CEP95: variants seen among roughly 807,000 people sequenced by gnomAD.
The protein encoded by CEP95 is centrosomal protein of 95 kDa.
In CEP95, 98 loss-of-function variants were observed where a neutral mutation model predicts 111.2. The observed-to-expected ratio is 0.88, with a 90% CI of 0.75 to 1.04. The LOEUF (loss-of-function observed/expected upper bound fraction) is 1.04. CEP95 is among the 50% of genes least tolerant of loss of function. The pLI, the probability that CEP95 is intolerant of heterozygous loss-of-function variation, is 0.00. For missense variants in CEP95, 1,027 were observed against 977.2 expected, an observed-to-expected ratio of 1.05 and a Z score of -0.68; for synonymous variants, 323 against 327.1, an observed-to-expected ratio of 0.99 and a Z score of 0.14.
intron 14 of CEP95, chr17:64,532,256 C>G (rs972715253): frequency 8.2e-7 from 1 of 1,224,418 alleles, no homozygotes; most frequent in Middle Eastern, 3.2e-4. Context: ...GGACTGCCAC[C>G]TGCTGCTCCA....
chr17:64,517,510 A>G (rs1479209323), intron 5 of CEP95, among the ~76,000 whole-genome samples: 1 of 151,748 alleles, frequency 6.6e-6, no homozygotes, highest in Non-Finnish European at 1.5e-5. Context: ...GGATTTAGTC[A>G]TATGTCTATA....
intron 4 of CEP95, chr17:64,514,654 CT>C: frequency 2.6e-6 from 1 of 391,676 alleles, no homozygotes; most frequent in Non-Finnish European, 4.5e-6. Context: ...CATAAAATTT[CT>C]TTCTCCAAAA....
At chr17:64,512,930 A>T (rs2038969123) in intron 3 of CEP95, among the ~76,000 whole-genome samples, 1 of 152,200 alleles carries the variant, frequency 6.6e-6, no homozygotes, top group African/African-American at 2.4e-5. Flanking sequence ...TTTAATGCAG[A>T]GCTGTCTTTG....
intron 1 of CEP95, chr17:64,508,067 GTTA>G (rs2038668608): frequency 3.0e-6 from 3 of 985,370 alleles, no homozygotes; most frequent in South Asian, 9.4e-5. Flanking sequence ...CGTTGATGTT[GTTA>G]TTATACCAGT....
Position 64,522,851 on chromosome 17 carries a change from T to G in CEP95, c.865T>G (p.Ser289Ala). 6.2e-7 allele frequency: 1 copy of G among 1,611,994 alleles called. No individual in the cohort carries two copies. The highest frequency in any genetic ancestry group is 8.5e-7 in the Non-Finnish European group (1 of 1,179,510). Residue 289 changes from serine (S) to alanine (A), a missense_variant, in exon 8 of 20, where the codon TCC becomes GCC. Transcript: ENST00000556440. ...GKEYLHSSHC[S>A]PAVNSTGEHT... ...AGAATACTTGCATTCAAGTCACTGC[T>G]CCCCAGCCGTAAATTCTACTGGAGA... is the stretch of plus-strand genomic sequence containing the variant.
chr17:64,531,622 G>A (rs1968286764), intron 13 of CEP95, among the ~76,000 whole-genome samples: 1 of 152,144 alleles, frequency 6.6e-6, no homozygotes, highest in East Asian at 1.9e-4. Context: ...TGTATTTAGG[G>A]TGTGGGACTA....
intron 16 of CEP95, among the ~76,000 whole-genome samples, chr17:64,533,838 C>T (rs1022172712): frequency 2.6e-5 from 4 of 152,092 alleles, no homozygotes; most frequent in African/African-American, 9.7e-5. Context: ...CATCTAGGTG[C>T]CAAGCAGCTG....
chr17:64,527,185 G>T lies in CEP95; in HGVS notation c.1227G>T (p.Glu409Asp), dbSNP rs782120062. Residue 409 changes from glutamate to aspartate, a missense_variant, in exon 11 of 20, where the codon GAG (glutamate) becomes GAT (aspartate). By Grantham distance (45) the Glu-to-Asp change is conservative. Transcript: ENST00000556440. ...DHKEENTGNE[E>D]VEDGTEETLS... Reference sequence around the variant, plus strand: ...AAGAAGAAAATACTGGAAATGAGGAGGTAGAGGATGGAACTGAGGAGACAC... The same window carrying T: ...AAGAAGAAAATACTGGAAATGAGGATGTAGAGGATGGAACTGAGGAGACAC... 6.8e-6 allele frequency: 11 copies of T among 1,613,662 alleles called. No individual in the cohort carries two copies. The Admixed American group carries it at 1.8e-4, about 27-fold the overall frequency.
Position 64,510,270 on chromosome 17 carries a change from T to A in CEP95, c.246T>A (p.Ser82=). The A allele has an allele frequency of 6.3e-7, 1 of 1,591,950 alleles. No individual in the cohort carries two copies. Among genetic ancestry groups the A allele is most frequent in the Middle Eastern group, 1.7e-4 (1 of 6,008 alleles). ...TGGACTACTTGCAGGTCAGCTTGTCTCACATAACAGGTTGGTATATGTATA... is the reference window on the plus strand; with the variant it reads ...TGGACTACTTGCAGGTCAGCTTGTCACACATAACAGGTTGGTATATGTATA... ...LALDYLQVSL[S]HITGENIVKG... Residue 82 remains serine (S), a synonymous_variant, in exon 3 of 20, where the codon TCT becomes TCA. Transcript: ENST00000556440.
Position 64,508,725 on chromosome 17 carries a change from G to C in CEP95, c.148+5G>C, listed in dbSNP as rs782361542. On this transcript the variant is annotated splice_donor_5th_base_variant and intron_variant, in intron 2 of 19. Coordinates refer to ENST00000556440, the MANE Select transcript of CEP95 (RefSeq NM_138363.3). ...TTTTGGGAGAAAAGGTACCAGGTAA[G>C]AATACTAAAAGCAGGAGTAATTTTG... 1 of 1,370,608 alleles carries C rather than the reference G, an allele frequency of 7.3e-7. No homozygotes were observed. The highest frequency in any genetic ancestry group is 2.6e-5 in the Admixed American group (1 of 37,838). 84.9% of individuals were successfully genotyped at this position (1,370,608 alleles called of 1,614,324 possible).
intron 6 of CEP95, 25 bp downstream of exon 6, chr17:64,519,461 A>G (rs1382229950): frequency 6.6e-7 from 1 of 1,506,546 alleles, no homozygotes; most frequent in African/African-American, 1.4e-5. Flanking sequence ...CTGAAGTATC[A>G]GTTATTATTC....
At chr17:64,515,195 G>T (rs2144376532) in intron 4 of CEP95, among the ~76,000 whole-genome samples, 1 of 152,278 alleles carries the variant, frequency 6.6e-6, no homozygotes, top group Non-Finnish European at 1.5e-5. Flanking sequence ...ACTCTGGGAG[G>T]ATTCCAAGCT....
At chr17:64,526,330 G>C in intron 10 of CEP95, 130 bp downstream of exon 10, 2 of 897,096 alleles carry the variant, frequency 2.2e-6, no homozygotes, top group Non-Finnish European at 3.2e-6. Context: ...AAAATGTTCC[G>C]TAAGTCAAGC....
chr17:64,511,128 T>G lies in CEP95; in HGVS notation c.256+848T>G, dbSNP rs183179196. On this transcript the variant is annotated intron_variant, in intron 3 of 19. Transcript: ENST00000556440. ...AGGTAATAGAATATCACAAGGCAAA[T>G]GGAGGCAGGGCGAGATCACAGGACC... 3.0e-3 allele frequency among the ~76,000 whole-genome samples: 459 copies of G among 152,168 alleles called. 1 individual carries two copies. The highest frequency in any genetic ancestry group is 0.011 in the African/African-American group (440 of 41,506).
chr17:64,513,111 A>AAAACAC (rs2144359718), intron 3 of CEP95, among the ~76,000 whole-genome samples: 1 of 152,296 alleles, frequency 6.6e-6, no homozygotes, highest in South Asian at 2.1e-4. Flanking sequence ...TTAAGCCGGA[A>AAAACAC]AAACACGTCC....
At chr17:64,532,459 C>G (rs1369866078) in intron 14 of CEP95, 2 of 985,254 alleles carry the variant, frequency 2.0e-6, no homozygotes, top group Admixed American at 6.1e-5. Flanking sequence ...CCTGTTACAC[C>G]CAAAGACTGC....
At chr17:64,510,816 G>A (rs1425865478) in intron 3 of CEP95, among the ~76,000 whole-genome samples, 3 of 152,186 alleles carry the variant, frequency 2.0e-5, no homozygotes, top group African/African-American at 7.2e-5. Flanking sequence ...TCGTGAAATT[G>A]CTGGGATTAC....
intron 18 of CEP95, 138 bp from the exon 19 acceptor site, chr17:64,536,903 T>A: frequency 1.1e-5 from 13 of 1,185,580 alleles, no homozygotes; most frequent in Non-Finnish European, 1.5e-5. Context: ...AAATTTAAGA[T>A]CAAATAATAC....
In CEP95 at chr17:64,537,708, C is replaced by A. The variant is rs1231289400; in HGVS notation, c.2395C>A (p.Leu799Met). The change falls in exon 20 of 20, where the codon CTG (leucine) becomes ATG (methionine). Residue 799 changes from leucine (L) to methionine (M), a missense_variant. By Grantham distance (15) the Leu-to-Met change is conservative (BLOSUM62 2). Transcript: ENST00000556440. ...TGATGATGATGTTTTCTTCCGGGAA[C>A]TGGAAGCTGAGCGCTTCAGATCTCG... The part of the protein sequence containing the change: ...QNDDDVFFRE[L>M]EAERFRSRLQ... The A allele has an allele frequency of 1.2e-6, 2 of 1,612,956 alleles. No homozygotes were observed. The highest frequency in any genetic ancestry group is 1.7e-6 in the Non-Finnish European group (2 of 1,179,496).
Sources: allele counts gnomAD v4.1 joint callset (sites outside exome capture counted in the v4.1 genomes callset), GRCh38; gene constraint gnomAD v4.1.1; transcripts MANE v1.5; gene names NCBI Gene and HGNC (gene_info 2026-07-23, HGNC 2026-07-21).